Variants in CACNA1A observed in about 807,000 individuals in gnomAD.
CACNA1A encodes the protein voltage-dependent P/Q-type calcium channel subunit alpha-1A.
CACNA1A carries 57 observed loss-of-function variants against 262.4 expected under a neutral mutation model. The observed-to-expected ratio is 0.22, with a 90% confidence interval of 0.18 to 0.27. CACNA1A has a LOEUF of 0.27. Among genes scored for constraint, CACNA1A ranks in the 10% least tolerant of loss-of-function variants. CACNA1A has a pLI of 1.00. For synonymous variants in CACNA1A, 1,431 were observed against 1,419.3 expected (o/e 1.01, Z -0.18); for missense variants, 2,526 against 3,562.8 (o/e 0.71, Z 7.41).
At chr19:13,211,917 C>T (rs1291044342) in intron 43 of CACNA1A, 186 bp downstream of exon 43, 9 of 578,908 alleles carry the variant, frequency 1.6e-5, no homozygotes, top group African/African-American at 3.7e-5. Flanking sequence ...GGAGGAGGGT[C>T]TGCAGGTGCT....
intron 3 of CACNA1A, among the ~76,000 whole-genome samples, chr19:13,426,610 A>G (rs895888012): frequency 2.0e-5 from 3 of 152,254 alleles, no homozygotes; most frequent in African/African-American, 4.8e-5. Context: ...TTGTAGGAAG[A>G]AAACAATTCT....
chr19:13,212,041 G>A lies in CACNA1A; in HGVS notation c.6303+62C>T. The stretch of plus-strand genomic sequence containing the variant: ...GATGCACTGGGCTGCTTGTGGGGGG[G>A]CCTGGCCCTACCCAGTGCAGAGTGA... On this transcript the variant is annotated intron_variant, in intron 43 of 46. Coordinates refer to ENST00000360228, the MANE Select transcript of CACNA1A (RefSeq NM_001127222.2). The surrounding 1 kb of genome is among the most constrained non-coding windows in gnomAD (Gnocchi z 5.6). The A allele has an allele frequency of 2.5e-6, 3 of 1,219,018 alleles. 1 individual carries two copies. In the South Asian group the frequency reaches 3.8e-5, roughly 15 times the overall value. The allele number at this position is 1,219,018 out of a possible 1,614,324, so 75.5% of individuals were successfully genotyped here.
chr19:13,278,791 G>C (rs1028766231), intron 22 of CACNA1A, among the ~76,000 whole-genome samples: 1 of 152,188 alleles, frequency 6.6e-6, no homozygotes, highest in Non-Finnish European at 1.5e-5. Context: ...TGGGCTCTGT[G>C]ATCTGTGTGG....
chr19:13,230,301 G>T, intron 35 of CACNA1A, 92 bp from the exon 36 acceptor site: 1 of 1,422,624 alleles, frequency 7.0e-7, no homozygotes, highest in Non-Finnish European at 9.8e-7. Flanking sequence ...CAGACGGACA[G>T]ACAGACCCAA....
chr19:13,484,465 GA>G (rs1328021096), intron 1 of CACNA1A, among the ~76,000 whole-genome samples: 1 of 152,142 alleles, frequency 6.6e-6, no homozygotes, highest in Non-Finnish European at 1.5e-5. Flanking sequence ...GAGATAGAGA[GA>G]GGGGAGAGAG....
chr19:13,389,695 G>A (rs1568598965), intron 3 of CACNA1A, among the ~76,000 whole-genome samples: 1 of 152,090 alleles, frequency 6.6e-6, no homozygotes, highest in Admixed American at 6.6e-5. Flanking sequence ...TCACTTCCCT[G>A]ATCCGCCTGT....
chr19:13,391,656 G>A (rs1283674155), intron 3 of CACNA1A, among the ~76,000 whole-genome samples: 2 of 152,098 alleles, frequency 1.3e-5, no homozygotes, highest in Non-Finnish European at 2.9e-5. Flanking sequence ...TAGCACTTTG[G>A]GAGGCTGAGA....
In CACNA1A at chr19:13,207,486, G is replaced by T. The variant is rs1397153104; in HGVS notation, c.7348C>A (p.Arg2450Ser). The T allele has an allele frequency of 1.4e-6, 2 of 1,424,764 alleles. No homozygotes were observed. The highest frequency in any genetic ancestry group is 1.8e-6 in the Non-Finnish European group (2 of 1,095,722). 88.3% of individuals were successfully genotyped at this position (1,424,764 alleles called of 1,614,324 possible). ...VRHASSGATG[R>S]SPRTPRASGP... ...GAGGCCCGGGGAGTCCTGGGCGAGC[G>T]CCCGGTGGCGCCCGAGGACGCGTGT... The change falls in exon 47 of 47, where the codon CGC becomes AGC. Residue 2450 changes from arginine to serine, a missense_variant. Coordinates refer to ENST00000360228, the MANE Select transcript of CACNA1A (RefSeq NM_001127222.2). This position sits in a 1 kb window ranked among gnomAD's most constrained non-coding sequence, Gnocchi z 5.7.
intron 2 of CACNA1A, among the ~76,000 whole-genome samples, chr19:13,453,938 A>C (rs1300627831): frequency 6.6e-6 from 1 of 152,034 alleles, no homozygotes; most frequent in Non-Finnish European, 1.5e-5. Context: ...TTGCTAGGCT[A>C]GTTATAGTTT....
At chr19:13,247,451 T>G (rs935672461) in intron 30 of CACNA1A, among the ~76,000 whole-genome samples, 2 of 152,148 alleles carry the variant, frequency 1.3e-5, no homozygotes, top group Non-Finnish European at 2.9e-5. Flanking sequence ...CCCAGCACTT[T>G]GGGAGGCCGA....
intron 38 of CACNA1A, among the ~76,000 whole-genome samples, chr19:13,219,545 A>G (rs976906949): frequency 3.9e-5 from 6 of 152,292 alleles, no homozygotes; most frequent in Admixed American, 6.5e-5. Context: ...CGTTGTACAA[A>G]CGAAGGAACT....
chr19:13,355,664 G>T (rs913280124), intron 6 of CACNA1A, among the ~76,000 whole-genome samples: 3 of 152,074 alleles, frequency 2.0e-5, no homozygotes, highest in African/African-American at 7.2e-5. Context: ...TGCAGGCCAG[G>T]TGATCACAGC....
intron 6 of CACNA1A, among the ~76,000 whole-genome samples, chr19:13,340,140 A>G (rs904827418): frequency 7.4e-6 from 1 of 134,462 alleles, no homozygotes; most frequent in Non-Finnish European, 1.6e-5. Context: ...AGGGTGGAGG[A>G]TGGGGGAGAG....
Position 13,209,387 on chromosome 19 carries a change from G to A in CACNA1A, c.6451C>T (p.His2151Tyr), listed in dbSNP as rs1005361810. ...ERVPPEENQRHHQRRRDRSHR... is the reference protein window; with the variant it reads ...ERVPPEENQRYHQRRRDRSHR... The stretch of plus-strand genomic sequence containing the variant: ...CTGCGGTCGCGGCGCCGCTGGTGGT[G>A]CCGCTGGTTCTCCTCGGGCGGGACC... Residue 2151 changes from histidine (H) to tyrosine (Y), a missense_variant, in exon 45 of 47, where the codon CAC (histidine) becomes TAC (tyrosine). His to Tyr is a moderately conservative substitution (Grantham distance 83). Transcript: ENST00000360228. The A allele has an allele frequency of 3.6e-6, 5 of 1,401,610 alleles. No homozygotes were observed. The African/African-American group carries it at 5.9e-5, about 17-fold the overall frequency. 86.8% of individuals were successfully genotyped at this position (1,401,610 alleles called of 1,614,324 possible). A position where few individuals can be genotyped will look rare whatever the true frequency, so the allele number is the denominator to read the frequency against.
intron 1 of CACNA1A, among the ~76,000 whole-genome samples, chr19:13,495,638 G>A (rs1981413548): frequency 6.6e-6 from 1 of 152,128 alleles, no homozygotes; most frequent in South Asian, 2.1e-4. Context: ...AAATAAGGTG[G>A]TAAGCGGAGA....
rs7249722 is a variant in CACNA1A, at chr19:13,212,447, C to T, written c.6126G>A (p.Thr2042=). The part of the protein sequence containing the change: ...TQRAQEMFQK[T]GTWSPEQGPP... The stretch of plus-strand genomic sequence containing the variant: ...GGCCTTGTTCCGGACTCCATGTGCC[C>T]GTCTTCTGGAACATCTCCTGGGCAC... The change falls in exon 42 of 47, where the codon ACG becomes ACA. Residue 2042 remains threonine, a synonymous_variant. Transcript: ENST00000360228. The surrounding 1 kb of genome is among the most constrained non-coding windows in gnomAD (Gnocchi z 5.6). 1.4e-3 allele frequency: 2,252 copies of T among 1,611,078 alleles called. 25 individuals carry two copies. The African/African-American group carries it at 0.025, about 18-fold the overall frequency.
At chr19:13,453,120 C>G (rs1399057383) in intron 2 of CACNA1A, 105 bp from the exon 3 acceptor site, 1 of 1,160,434 alleles carries the variant, frequency 8.6e-7, no homozygotes, top group African/African-American at 1.5e-5. Flanking sequence ...CTCTCACTTC[C>G]CCTGACCCTC....
intron 1 of CACNA1A, among the ~76,000 whole-genome samples, chr19:13,478,285 C>T (rs1978809556): frequency 6.6e-6 from 1 of 152,054 alleles, no homozygotes. Flanking sequence ...TAAGGATGTT[C>T]CTTTTAAGAG....
At chr19:13,342,551 A>G (rs1037628940) in intron 6 of CACNA1A, among the ~76,000 whole-genome samples, 3 of 152,200 alleles carry the variant, frequency 2.0e-5, no homozygotes, top group Admixed American at 1.3e-4. Context: ...GCTGCCATCA[A>G]ATATTTCCAG....
Sources: allele counts gnomAD v4.1 joint callset (sites outside exome capture counted in the v4.1 genomes callset), GRCh38; gene constraint gnomAD v4.1.1; non-coding constraint Gnocchi (gnomAD v3.1); transcripts MANE v1.5; gene names NCBI Gene and HGNC (gene_info 2026-07-23, HGNC 2026-07-21).